The following PDE11A variants were observed in gnomAD, a reference collection of about 807,000 sequenced individuals.
PDE11A encodes phosphodiesterase 11A, also known as dual 3',5'-cyclic-AMP and -GMP phosphodiesterase 11A.
In PDE11A, 100 loss-of-function variants were observed where a neutral mutation model predicts 100.5. The ratio of observed to expected loss-of-function variants is 1.00; its 90% CI spans 0.85 to 1.18. The LOEUF is 1.18. PDE11A is among the 50% of genes most tolerant of loss of function. The probability of loss-of-function intolerance (pLI) is 0.00; values close to 1 mark genes in which losing one functional copy is unlikely to be tolerated. For missense variants in PDE11A, 1,141 were observed against 1,152.6 expected, an observed-to-expected ratio of 0.99 and a Z score of 0.15; for synonymous variants, 381 against 420.8, an observed-to-expected ratio of 0.91 and a Z score of 1.16.
intron 2 of PDE11A, among the ~76,000 whole-genome samples, chr2:178,013,910 G>A (rs891505859): frequency 2.6e-5 from 4 of 152,050 alleles, no homozygotes; most frequent in African/African-American, 9.7e-5. Context: ...ACAATTCTTT[G>A]TTGTAGTTAT....
intron 2 of PDE11A, among the ~76,000 whole-genome samples, chr2:177,967,201 T>G (rs112617108): frequency 3.1e-5 from 1 of 32,614 alleles, no homozygotes; most frequent in South Asian, 1.2e-3. Flanking sequence ...CTCCTTTGTC[T>G]TTTTTTTTTT....
chr2:177,758,273 G>T (rs1278187830), intron 10 of PDE11A, among the ~76,000 whole-genome samples: 1 of 147,938 alleles, frequency 6.8e-6, no homozygotes, highest in Non-Finnish European at 1.5e-5. Context: ...CTCCAGCCTG[G>T]GTGAGAGTGC....
chr2:177,795,597 C>A (rs144326799), intron 9 of PDE11A, among the ~76,000 whole-genome samples: 24 of 151,944 alleles, frequency 1.6e-4, no homozygotes, highest in African/African-American at 5.1e-4. Flanking sequence ...TTCTTGGGTA[C>A]CTAAAGTCAG....
intron 1 of PDE11A, among the ~76,000 whole-genome samples, chr2:178,027,767 T>C (rs891771210): frequency 1.3e-5 from 2 of 152,184 alleles, no homozygotes; most frequent in Non-Finnish European, 2.9e-5. Flanking sequence ...GATACTATAA[T>C]TGGGCAATGT....
chr2:177,979,611 C>CTTTTTTTTTTTTTTTTTT (rs57168619), intron 2 of PDE11A, among the ~76,000 whole-genome samples: 2 of 106,882 alleles, frequency 1.9e-5, no homozygotes, highest in African/African-American at 4.2e-5. Flanking sequence ...CTCAGATGAT[C>CTTTTTTTTTTTTTTTTTT]TTTTTTTTTT....
At chr2:177,936,787 T>G (rs13425873) in intron 2 of PDE11A, among the ~76,000 whole-genome samples, 13,144 of 152,012 alleles carry the variant, frequency 0.086, 538 homozygotes, top group South Asian at 0.1. Context: ...TGGGTTTGGT[T>G]GCCAGCGCCT....
At chr2:177,784,031 T>C (rs974870568) in intron 9 of PDE11A, among the ~76,000 whole-genome samples, 2 of 151,988 alleles carry the variant, frequency 1.3e-5, no homozygotes, top group African/African-American at 4.8e-5. Flanking sequence ...GAGAGATTTC[T>C]ATGCCTCCAG....
At chr2:177,910,008 T>G (rs1236518111) in intron 2 of PDE11A, among the ~76,000 whole-genome samples, 1 of 152,220 alleles carries the variant, frequency 6.6e-6, no homozygotes, top group Non-Finnish European at 1.5e-5. Context: ...ATGTCATTGG[T>G]AGCCAATTTG....
chr2:177,942,853 C>T (rs753615621), intron 2 of PDE11A, among the ~76,000 whole-genome samples: 11 of 152,128 alleles, frequency 7.2e-5, no homozygotes, highest in Non-Finnish European at 1.5e-4. Flanking sequence ...AAACTTTATA[C>T]CCATTAAACA....
At chr2:177,824,773 C>A (rs1401331238) in intron 6 of PDE11A, among the ~76,000 whole-genome samples, 1 of 152,066 alleles carries the variant, frequency 6.6e-6, no homozygotes, top group Admixed American at 6.6e-5. Context: ...GAATATTATG[C>A]ATCTAATTAA....
intron 5 of PDE11A, among the ~76,000 whole-genome samples, chr2:177,851,271 C>T (rs2083696037): frequency 2.0e-5 from 3 of 151,946 alleles, no homozygotes; most frequent in South Asian, 4.1e-4. Flanking sequence ...TCATTCTCAG[C>T]AAACTATCTC....
chr2:177,897,927 GA>G, intron 4 of PDE11A, 130 bp downstream of exon 4: 1 of 752,816 alleles, frequency 1.3e-6, no homozygotes, highest in Non-Finnish European at 2.3e-6. Flanking sequence ...CTTGTTTGAT[GA>G]AAAGTTGCCC....
rs2079818968 is a variant in PDE11A at position 177,625,523 on chromosome 2, G to A, written c.*3884C>T. On this transcript the variant is annotated 3_prime_UTR_variant, in exon 20 of 20. Transcript: ENST00000286063. ...AGATTGTGCACATAATAGCTACATA[G>A]TGACTAGTAAGAATAAATATGTCTG... The A allele has an allele frequency of 6.6e-6, 1 of 152,322 alleles. No individual in the cohort carries two copies. Among genetic ancestry groups the A allele is most frequent in the South Asian group, 2.1e-4 (1 of 4,826 alleles). 9.4% of individuals were successfully genotyped at this position (152,322 alleles called of 1,614,324 possible).
At chr2:177,910,908 G>A (rs1231516866) in intron 2 of PDE11A, among the ~76,000 whole-genome samples, 4 of 152,102 alleles carry the variant, frequency 2.6e-5, no homozygotes, top group Admixed American at 6.5e-5. Context: ...GAAGAATGCC[G>A]GGGGTCTACA....
intron 2 of PDE11A, among the ~76,000 whole-genome samples, chr2:177,990,018 T>C (rs948468649): frequency 6.6e-6 from 1 of 152,142 alleles, no homozygotes; most frequent in Non-Finnish European, 1.5e-5. Context: ...CTATGTGACA[T>C]TTGAATCCAA....
At chr2:177,745,489 C>T (rs73030336) in intron 10 of PDE11A, among the ~76,000 whole-genome samples, 4,332 of 152,276 alleles carry the variant, frequency 0.028, 189 homozygotes, top group African/African-American at 0.099. Context: ...AGGACGGGAC[C>T]TAGAATCCTT....
intron 8 of PDE11A, among the ~76,000 whole-genome samples, chr2:177,817,184 C>G (rs1330257325): frequency 6.6e-6 from 1 of 152,172 alleles, no homozygotes; most frequent in Non-Finnish European, 1.5e-5. Flanking sequence ...CATACTTACA[C>G]TCTGTTTAAG....
chr2:177,924,494 A>T (rs1479843036), intron 2 of PDE11A, among the ~76,000 whole-genome samples: 3 of 152,164 alleles, frequency 2.0e-5, no homozygotes, highest in Non-Finnish European at 4.4e-5. Context: ...AGAGCTAGAG[A>T]AGGCCATCAC....
intron 10 of PDE11A, among the ~76,000 whole-genome samples, chr2:177,761,750 G>A (rs1456372135): frequency 1.3e-5 from 2 of 152,210 alleles, no homozygotes; most frequent in East Asian, 1.9e-4. Flanking sequence ...CATATAAAAG[G>A]ACAGGGAATG....
Sources: gnomAD v4.1 joint callset for allele counts (sites outside exome capture counted in the v4.1 genomes callset) on GRCh38, gnomAD v4.1.1 for gene constraint, MANE v1.5 for transcripts, NCBI Gene and HGNC (gene_info 2026-07-23, HGNC 2026-07-21) for gene names.